The following NRAP variants were observed in gnomAD, a reference collection of about 807,000 sequenced individuals.
NRAP encodes nebulin-related-anchoring protein.
NRAP carries 189 observed loss-of-function variants against 225.9 expected under a neutral mutation model. The observed-to-expected ratio is 0.84, with a 90% CI of 0.74 to 0.94. NRAP has a LOEUF of 0.94. Among genes scored for constraint, NRAP ranks in the 40% least tolerant of loss-of-function variants. The pLI, the probability that NRAP is intolerant of heterozygous loss-of-function variation, is 0.00. For synonymous variants in NRAP, 769 were observed against 790.7 expected (o/e 0.97, Z 0.46); for missense variants, 2,176 against 2,168.7 (o/e 1.00, Z -0.07).
In NRAP at chr10:113,629,645, C is replaced by T; in HGVS notation, c.1983G>A (p.Val661=). 1 of 1,614,098 alleles carries T rather than the reference C, an allele frequency of 6.2e-7. No homozygotes were observed. ...ACTGAGTCTTCATATCTTCAGGCAG[C>T]ACAGTGTATTCATGCAGTTTCTTCC... ...DYRKKLHEYT[V]LPEDMKTQWA... The change falls in exon 19 of 42, where the codon GTG becomes GTA. Residue 661 remains valine, a synonymous_variant. Transcript: ENST00000359988.
At chr10:113,604,273 T>C (rs1054342607) in intron 35 of NRAP, among the ~76,000 whole-genome samples, 1 of 152,094 alleles carries the variant, frequency 6.6e-6, no homozygotes, top group African/African-American at 2.4e-5. Context: ...CATGCCACCA[T>C]GCCTGGCTAA....
At position 113,631,591 on chromosome 10, in the gene NRAP, T is replaced by C. The variant is rs749230957; in HGVS notation, c.1760A>G (p.Tyr587Cys). 6.2e-7 allele frequency: 1 copy of C among 1,607,552 alleles called. No homozygotes were observed. The highest frequency in any genetic ancestry group is 1.1e-5 in the South Asian group (1 of 90,850). The change falls in exon 18 of 42, where the codon TAT becomes TGT. Residue 587 changes from tyrosine (Y) to cysteine (C), a missense_variant. Tyr to Cys is a radical substitution (Grantham distance 194). Transcript: ENST00000359988. ...CATGGCTTTGCCTTTTGTCTTTTCA[T>C]ATTCTTCTTTATATTTAATCTTGAG... ...LASNIKYKEE[Y>C]EKTKGKAMGT...
At chr10:113,631,817 C>A in intron 17 of NRAP, 40 bp downstream of exon 17, 1 of 1,272,106 alleles carries the variant, frequency 7.9e-7, no homozygotes, top group Non-Finnish European at 1.1e-6. Flanking sequence ...TTATTGGAAC[C>A]ATTTCTTATG....
intron 25 of NRAP, among the ~76,000 whole-genome samples, chr10:113,617,800 A>C (rs1345747051): frequency 6.6e-6 from 1 of 152,226 alleles, no homozygotes; most frequent in Non-Finnish European, 1.5e-5. Flanking sequence ...ATTAGGTTAT[A>C]CTAGTAAAAT....
At chr10:113,611,381 C>A (rs190308495) in intron 30 of NRAP, among the ~76,000 whole-genome samples, 82 of 152,272 alleles carry the variant, frequency 5.4e-4, no homozygotes, top group African/African-American at 1.9e-3. Context: ...AGGTTTTGTG[C>A]GGAGTTTTCT....
At position 113,604,594 on chromosome 10, in the gene NRAP, C is replaced by T. The variant is rs1433097425; in HGVS notation, c.4227+15G>A. On this transcript the variant is annotated intron_variant, in intron 35 of 41. Coordinates refer to ENST00000359988, the MANE Select transcript of NRAP (RefSeq NM_198060.4). ...AGGCTGGGGGCTGGTTTGCATTCCA[C>T]AAGGCCACCCCTACCTCACTCTGCA... The T allele has an allele frequency of 2.5e-6, 4 of 1,604,618 alleles. No individual in the cohort carries two copies. In the East Asian group the frequency reaches 9.0e-5, roughly 36 times the overall value.
chr10:113,649,669 T>C (rs1849816695), intron 9 of NRAP, among the ~76,000 whole-genome samples: 1 of 152,232 alleles, frequency 6.6e-6, no homozygotes, highest in South Asian at 2.1e-4. Context: ...CTCAATATTT[T>C]TCAAGATGCA....
At chr10:113,654,955 G>C (rs1482127648) in intron 4 of NRAP, among the ~76,000 whole-genome samples, 1 of 152,218 alleles carries the variant, frequency 6.6e-6, no homozygotes, top group Non-Finnish European at 1.5e-5. Context: ...CAGTAATTAG[G>C]ACCATGAGGA....
At chr10:113,663,507 A>G (rs1850826097) in intron 1 of NRAP, 61 bp from the exon 2 acceptor site, 2 of 1,080,040 alleles carry the variant, frequency 1.9e-6, no homozygotes, top group African/African-American at 1.6e-5. Context: ...CAAGGTTCTT[A>G]TATATTTTAG....
chr10:113,617,320 C>A, intron 26 of NRAP, 135 bp downstream of exon 26: 2 of 566,544 alleles, frequency 3.5e-6, no homozygotes, highest in Non-Finnish European at 6.4e-6. Context: ...GCTAAGGGAG[C>A]CTCTGCAAAG....
At chr10:113,611,315 A>G (rs1264736528) in intron 30 of NRAP, among the ~76,000 whole-genome samples, 1 of 152,178 alleles carries the variant, frequency 6.6e-6, no homozygotes, top group Non-Finnish European at 1.5e-5. Flanking sequence ...CAAACAGACG[A>G]CAGACACCCA....
chr10:113,603,679 C>T (rs1189081930), intron 35 of NRAP, among the ~76,000 whole-genome samples: 1 of 152,188 alleles, frequency 6.6e-6, no homozygotes, highest in Non-Finnish European at 1.5e-5. Flanking sequence ...CCCACTCACT[C>T]GGCCTCAAAC....
At chr10:113,589,210 T>G in intron 41 of NRAP, 131 bp from the exon 42 acceptor site, 1 of 673,888 alleles carries the variant, frequency 1.5e-6, no homozygotes, top group African/African-American at 1.8e-5. Context: ...CCTTTTCCCC[T>G]CTTCTACCCT....
At chr10:113,603,320 G>A (rs1444280084) in intron 35 of NRAP, among the ~76,000 whole-genome samples, 1 of 152,112 alleles carries the variant, frequency 6.6e-6, no homozygotes, top group Non-Finnish European at 1.5e-5. Context: ...GGAGGGGCCA[G>A]TGCTCTCCAC....
At chr10:113,628,884 C>T in intron 20 of NRAP, 33 bp downstream of exon 20, 5 of 1,212,892 alleles carry the variant, frequency 4.1e-6, no homozygotes, top group Non-Finnish European at 5.9e-6. Context: ...GGGCTGAGGA[C>T]TACTGGAGGC....
At chr10:113,597,558 G>T (rs1264939567) in intron 36 of NRAP, among the ~76,000 whole-genome samples, 1 of 152,108 alleles carries the variant, frequency 6.6e-6, no homozygotes, top group Non-Finnish European at 1.5e-5. Flanking sequence ...CCAGGGCAGG[G>T]ATCCCCAGGC....
intron 9 of NRAP, among the ~76,000 whole-genome samples, chr10:113,648,824 A>T (rs562298871): frequency 2.8e-4 from 42 of 152,274 alleles, no homozygotes; most frequent in African/African-American, 9.4e-4. Context: ...CTAATCAAGA[A>T]CCAGCTATGA....
Position 113,614,254 on chromosome 10 carries a change from G to C in NRAP, c.3229C>G (p.Leu1077Val). ...TCATCTTCCAAGCTCCGGGAACCAA[G>C]CATCTGTCCTTTCATTTTCTCAAAT... is the stretch of plus-strand genomic sequence containing the variant. ...EAFEKMKGQM[L>V]GSRSLEDDIS... Residue 1077 changes from leucine (L) to valine (V), a missense_variant, in exon 29 of 42, where the codon CTT becomes GTT. By Grantham distance (32) the Leu-to-Val change is conservative. This residue lies in a region of NRAP where 1,708 missense variants were observed against 1,695.5 expected (regional missense o/e 1.01). Coordinates refer to ENST00000359988, the MANE Select transcript of NRAP (RefSeq NM_198060.4). 1 of 1,614,042 alleles carries C rather than the reference G, an allele frequency of 6.2e-7. No individual in the cohort carries two copies.
chr10:113,660,065 C>G (rs1034109514), intron 3 of NRAP, among the ~76,000 whole-genome samples: 1 of 150,248 alleles, frequency 6.7e-6, no homozygotes, highest in Non-Finnish European at 1.5e-5. Flanking sequence ...CACACACACA[C>G]ACACACACAC....
Sources: gnomAD v4.1 joint callset for allele counts (sites outside exome capture counted in the v4.1 genomes callset) on GRCh38, gnomAD v4.1.1 for gene constraint, gnomAD v4.1.1 regional missense constraint, MANE v1.5 for transcripts, NCBI Gene and HGNC (gene_info 2026-07-23, HGNC 2026-07-21) for gene names.